Variants in DRD2 observed in about 807,000 individuals in gnomAD.
DRD2 encodes the protein dopamine receptor D2, also known as D(2) dopamine receptor.
Under a neutral mutation model 38.0 loss-of-function variants are expected in DRD2, and 8 were observed. The observed-to-expected ratio is 0.21, with a 90% CI of 0.12 to 0.38. DRD2 has a LOEUF of 0.38. Among genes scored for constraint, DRD2 ranks in the 10% least tolerant of loss-of-function variants. DRD2 has a pLI of 1.00. For missense variants in DRD2, 403 were observed against 607.7 expected, an observed-to-expected ratio of 0.66 and a Z score of 3.54; for synonymous variants, 230 against 238.6, an observed-to-expected ratio of 0.96 and a Z score of 0.33.
chr11:113,414,556 G>T, intron 5 of DRD2, 95 bp from the exon 6 acceptor site: 1 of 1,316,092 alleles, frequency 7.6e-7, no homozygotes, highest in Non-Finnish European at 1.1e-6. Flanking sequence ...CTCAGACTGG[G>T]CAGAAGGGCT....
intron 1 of DRD2, among the ~76,000 whole-genome samples, chr11:113,456,082 T>G (rs1951265892): frequency 6.6e-6 from 1 of 152,212 alleles, no homozygotes; most frequent in Non-Finnish European, 1.5e-5. Context: ...ACGTGATCTA[T>G]ATATCCACAA....
At chr11:113,424,805 G>T in intron 1 of DRD2, 123 bp from the exon 2 acceptor site, 1 of 996,228 alleles carries the variant, frequency 1.0e-6, no homozygotes. Context: ...TAAGGTTTAC[G>T]GCTAAGAATT....
At chr11:113,432,086 AG>A (rs1950992513) in intron 1 of DRD2, among the ~76,000 whole-genome samples, 1 of 152,210 alleles carries the variant, frequency 6.6e-6, no homozygotes, top group African/African-American at 2.4e-5. Context: ...AAGGGAAAAA[AG>A]CTCCTTTAAG....
At chr11:113,456,775 GTA>G (rs1424657573) in intron 1 of DRD2, among the ~76,000 whole-genome samples, 2 of 152,186 alleles carry the variant, frequency 1.3e-5, no homozygotes, top group African/African-American at 4.8e-5. Context: ...TGTTGAATGA[GTA>G]TAGAGCTTCA....
chr11:113,447,399 T>A (rs142663402), intron 1 of DRD2, among the ~76,000 whole-genome samples: 1 of 150,416 alleles, frequency 6.6e-6, no homozygotes, highest in African/African-American at 2.5e-5. Flanking sequence ...ATGCTTGGTA[T>A]GGGCAGATGG....
intron 1 of DRD2, among the ~76,000 whole-genome samples, chr11:113,437,920 A>G (rs1951053809): frequency 6.6e-6 from 1 of 152,110 alleles, no homozygotes; most frequent in Non-Finnish European, 1.5e-5. Flanking sequence ...CAGGGAAGAG[A>G]GCAGAGAGGC....
intron 1 of DRD2, among the ~76,000 whole-genome samples, chr11:113,440,424 T>G (rs958857277): frequency 6.6e-6 from 1 of 152,194 alleles, no homozygotes; most frequent in Non-Finnish European, 1.5e-5. Context: ...GCCTGTTAGG[T>G]TTCTCTGCGA....
chr11:113,459,639 A>G (rs1951299096), intron 1 of DRD2, among the ~76,000 whole-genome samples: 2 of 152,178 alleles, frequency 1.3e-5, no homozygotes, highest in Non-Finnish European at 2.9e-5. Flanking sequence ...GAGGCTGGGA[A>G]GGGGAGGGGG....
intron 2 of DRD2, among the ~76,000 whole-genome samples, chr11:113,420,109 A>G (rs1490694227): frequency 6.6e-6 from 1 of 152,178 alleles, no homozygotes; most frequent in Non-Finnish European, 1.5e-5. Flanking sequence ...CCTGATTTAC[A>G]TCCCACTTTG....
chr11:113,447,014 A>G (rs1250878354), intron 1 of DRD2, among the ~76,000 whole-genome samples: 2 of 152,212 alleles, frequency 1.3e-5, no homozygotes, highest in Admixed American at 1.3e-4. Context: ...CACTCACACC[A>G]GACAAGAAGA....
At chr11:113,415,690 T>G in intron 4 of DRD2, 79 bp from the exon 5 acceptor site, 1 of 1,498,022 alleles carries the variant, frequency 6.7e-7, no homozygotes, top group Non-Finnish European at 9.1e-7. Flanking sequence ...ATTCATGTCC[T>G]TCCAGGAACA....
At position 113,410,344 on chromosome 11, in the gene DRD2, C is replaced by T. The variant is rs1950756309; in HGVS notation, c.*383G>A. ...CCCACCGCCTGCTCCACGCCAAGCC[C>T]CACAAAGAGAAAACTCAGCCTCTGG... On this transcript the variant is annotated 3_prime_UTR_variant, in exon 8 of 8. Coordinates refer to ENST00000362072, the MANE Select transcript of DRD2 (RefSeq NM_000795.4). 4.6e-6 allele frequency: 2 copies of T among 430,676 alleles called. No homozygotes were observed. The highest frequency in any genetic ancestry group is 4.3e-6 in the Non-Finnish European group (1 of 231,232). The allele number at this position is 430,676 out of a possible 1,614,324, so 26.7% of individuals were successfully genotyped here. A position where few individuals can be genotyped will look rare whatever the true frequency, so the allele number is the denominator to read the frequency against.
intron 3 of DRD2, 38 bp downstream of exon 3, chr11:113,417,989 G>T (rs1313571999): frequency 6.4e-7 from 1 of 1,553,038 alleles, no homozygotes; most frequent in African/African-American, 1.4e-5. Context: ...AGAATGGTGA[G>T]TGGCCAGAGC....
At chr11:113,454,509 C>A (rs1427100195) in intron 1 of DRD2, among the ~76,000 whole-genome samples, 1 of 152,104 alleles carries the variant, frequency 6.6e-6, no homozygotes, top group Non-Finnish European at 1.5e-5. Flanking sequence ...TAACTTGTGA[C>A]CCACCCATCC....
chr11:113,452,469 T>TGTGCGC (rs1210531875), intron 1 of DRD2, among the ~76,000 whole-genome samples: 199 of 118,828 alleles, frequency 1.7e-3, no homozygotes, highest in East Asian at 2.8e-3. Context: ...TGTGTGTGTG[T>TGTGCGC]GCGCGCGCGC....
At chr11:113,455,024 A>G (rs1347501048) in intron 1 of DRD2, among the ~76,000 whole-genome samples, 2 of 152,152 alleles carry the variant, frequency 1.3e-5, no homozygotes, top group Admixed American at 1.3e-4. Flanking sequence ...CTGTAAAACT[A>G]CTAGAAGAAA....
At chr11:113,415,718 G>A in intron 4 of DRD2, 107 bp from the exon 5 acceptor site, 2 of 1,247,116 alleles carry the variant, frequency 1.6e-6, no homozygotes, top group Admixed American at 2.2e-5. Flanking sequence ...ATTTTACAGA[G>A]AATATGAACG....
At chr11:113,415,699 C>A in intron 4 of DRD2, 88 bp from the exon 5 acceptor site, 3 of 1,446,124 alleles carry the variant, frequency 2.1e-6, no homozygotes, top group South Asian at 1.3e-5. Context: ...CTTCCAGGAA[C>A]AAGGAGCGAT....
chr11:113,445,932 G>A (rs1427883958), intron 1 of DRD2, among the ~76,000 whole-genome samples: 6 of 152,202 alleles, frequency 3.9e-5, no homozygotes, highest in Non-Finnish European at 7.3e-5. Context: ...AGATGCTGGG[G>A]GTGGCCTGGC....
Sources: allele counts gnomAD v4.1 joint callset (sites outside exome capture counted in the v4.1 genomes callset), GRCh38; gene constraint gnomAD v4.1.1; transcripts MANE v1.5; gene names NCBI Gene and HGNC (gene_info 2026-07-23, HGNC 2026-07-21).